The following TRIM33 variants were observed in gnomAD, a reference collection of about 807,000 sequenced individuals.
The protein encoded by TRIM33 is E3 ubiquitin-protein ligase TRIM33.
A neutral mutation model predicts 125.4 loss-of-function variants in TRIM33; 20 were observed. The ratio of observed to expected loss-of-function variants is 0.16; its 90% CI spans 0.11 to 0.23. The LOEUF (loss-of-function observed/expected upper bound fraction) is 0.23. TRIM33 is among the 10% of genes least tolerant of loss of function. TRIM33 has a pLI of 1.00. For missense variants in TRIM33, 920 were observed against 1,411.4 expected (o/e 0.65, Z 5.58); for synonymous variants, 564 against 513.9 (o/e 1.10, Z -1.32).
intron 1 of TRIM33, among the ~76,000 whole-genome samples, chr1:114,496,365 C>T (rs1318213108): frequency 6.6e-6 from 1 of 152,222 alleles, no homozygotes; most frequent in Non-Finnish European, 1.5e-5. Context: ...TTCTGGCAGT[C>T]ATTTGTGATG....
intron 4 of TRIM33, among the ~76,000 whole-genome samples, chr1:114,462,880 C>A (rs1650077947): frequency 6.6e-6 from 1 of 152,008 alleles, no homozygotes. Context: ...CCCAAACCTA[C>A]AAAATGATAC....
chr1:114,399,346 G>T, intron 18 of TRIM33, 111 bp downstream of exon 18: 1 of 978,074 alleles, frequency 1.0e-6, no homozygotes, highest in Non-Finnish European at 1.5e-6. Context: ...CTTTTGACAG[G>T]ACTTTAGCAG....
intron 12 of TRIM33, among the ~76,000 whole-genome samples, chr1:114,408,977 A>T (rs189857981): frequency 6.6e-6 from 1 of 152,324 alleles, no homozygotes; most frequent in East Asian, 1.9e-4. Flanking sequence ...AGTCAACAAA[A>T]CAGACCAAGA....
chr1:114,406,860 C>T (rs1652277937), intron 14 of TRIM33, 81 bp downstream of exon 14: 3 of 1,364,750 alleles, frequency 2.2e-6, no homozygotes, highest in Non-Finnish European at 3.0e-6. Context: ...AGACCCACTA[C>T]TTAGTCTTAA....
chr1:114,472,157 T>C lies in TRIM33; in HGVS notation c.527-7769A>G, dbSNP rs149461216. Among the ~76,000 whole-genome samples, 1,280 of 152,290 alleles carry C rather than the reference T, an allele frequency of 8.4e-3. 2 individuals are homozygous for C. The highest frequency in any genetic ancestry group is 0.013 in the Non-Finnish European group (888 of 68,008). On this transcript the variant is annotated intron_variant, in intron 1 of 19. Transcript: ENST00000358465. The stretch of plus-strand genomic sequence containing the variant: ...AAATTTTTAAACTTAGAAACATAAA[T>C]ATTTTGTTTTCCTATGTCCACATTA...
chr1:114,419,359 A>G (rs2101136204), intron 11 of TRIM33, among the ~76,000 whole-genome samples: 1 of 152,248 alleles, frequency 6.6e-6, no homozygotes, highest in East Asian at 1.9e-4. Context: ...CTGCAGTGCC[A>G]TGGTCTCCGT....
At position 114,421,640 on chromosome 1, in the gene TRIM33, A is replaced by G; in HGVS notation, c.1861-4T>C. The G allele has an allele frequency of 6.2e-7, 1 of 1,613,894 alleles. No individual in the cohort carries two copies. The highest frequency in any genetic ancestry group is 8.5e-7 in the Non-Finnish European group (1 of 1,179,760). On this transcript the variant is annotated splice_region_variant and splice_polypyrimidine_tract_variant and intron_variant, in intron 10 of 19. Coordinates refer to ENST00000358465, the MANE Select transcript of TRIM33 (RefSeq NM_015906.4). ...CAGCATGCCCTGGGTTTGAGTGCTA[A>G]TAAGAAAGAAGACATTATCATTACT...
At chr1:114,398,021 A>T in intron 18 of TRIM33, 31 bp from the exon 19 acceptor site, 1 of 1,576,168 alleles carries the variant, frequency 6.3e-7, no homozygotes, top group Non-Finnish European at 8.7e-7. Flanking sequence ...AAAAAAAAAA[A>T]AGGGAAATTA....
chr1:114,495,158 G>A (rs1459496803), intron 1 of TRIM33, among the ~76,000 whole-genome samples: 1 of 152,034 alleles, frequency 6.6e-6, no homozygotes, highest in Non-Finnish European at 1.5e-5. Context: ...CAAGTGGTTC[G>A]CTCATCTCGG....
At chr1:114,444,988 A>G (rs1031088631) in intron 4 of TRIM33, among the ~76,000 whole-genome samples, 5 of 152,198 alleles carry the variant, frequency 3.3e-5, no homozygotes, top group Admixed American at 3.3e-4. Flanking sequence ...GGAAACTACT[A>G]AAAGAAAAAA....
At chr1:114,472,682 T>C (rs943280233) in intron 1 of TRIM33, among the ~76,000 whole-genome samples, 2 of 152,074 alleles carry the variant, frequency 1.3e-5, no homozygotes, top group Non-Finnish European at 2.9e-5. Context: ...TGAGCAGTGA[T>C]TGGGCCACTG....
rs1227421415 is a variant in TRIM33, at chr1:114,394,341, G to A, written c.*3307C>T. On this transcript the variant is annotated 3_prime_UTR_variant, in exon 20 of 20. Transcript: ENST00000358465. ...CATCTACTCCCATTTTGGATAGTAA[G>A]AGACCATTTAATAACATACAGTAGG... is the stretch of plus-strand genomic sequence containing the variant. The A allele has an allele frequency of 4.4e-6, 1 of 225,990 alleles. No individual in the cohort carries two copies. Among genetic ancestry groups the A allele is most frequent in the Non-Finnish European group, 8.8e-6 (1 of 113,260 alleles). 14.0% of individuals were successfully genotyped at this position (225,990 alleles called of 1,614,324 possible).
At chr1:114,471,127 G>T (rs1480536922) in intron 1 of TRIM33, among the ~76,000 whole-genome samples, 1 of 152,196 alleles carries the variant, frequency 6.6e-6, no homozygotes, top group African/African-American at 2.4e-5. Context: ...AATTAAAAGT[G>T]ACAGTCCAGT....
At chr1:114,504,652 C>G (rs1444125659) in intron 1 of TRIM33, among the ~76,000 whole-genome samples, 1 of 152,158 alleles carries the variant, frequency 6.6e-6, no homozygotes, top group African/African-American at 2.4e-5. Context: ...CTTTGAGAAT[C>G]ACTGCTTTAA....
At chr1:114,446,967 G>A (rs1335174637) in intron 4 of TRIM33, among the ~76,000 whole-genome samples, 2 of 152,194 alleles carry the variant, frequency 1.3e-5, no homozygotes, top group East Asian at 3.8e-4. Flanking sequence ...CTTAAACCCA[G>A]AAGGTTGAAA....
intron 6 of TRIM33, among the ~76,000 whole-genome samples, chr1:114,429,190 C>CTTTTTTTTTTTTTTTTT (rs34957665): frequency 7.1e-6 from 1 of 140,304 alleles, no homozygotes; most frequent in African/African-American, 2.6e-5. Flanking sequence ...CACAAGAGTA[C>CTTTTTTTTTTTTTTTTT]TTTTTTTTTT....
In TRIM33 at chr1:114,433,675, C is replaced by T. The variant is rs1375570773; in HGVS notation, c.982G>A (p.Ala328Thr). 6.2e-7 allele frequency: 1 copy of T among 1,612,522 alleles called. No homozygotes were observed. The highest frequency in any genetic ancestry group is 1.7e-5 in the Admixed American group (1 of 59,810). Residue 328 changes from alanine (A) to threonine (T), a missense_variant, in exon 5 of 20, where the codon GCG becomes ACG. This residue lies in a region of TRIM33 where 50 missense variants were observed against 110.8 expected (regional missense o/e 0.45). Coordinates refer to ENST00000358465, the MANE Select transcript of TRIM33 (RefSeq NM_015906.4). Reference sequence around the variant, plus strand: ...TAATTCTTCTTCTCAAGAAGTTTCGCCAGTAGATTCTCAATTGCACCCTTC... The same window carrying T: ...TAATTCTTCTTCTCAAGAAGTTTCGTCAGTAGATTCTCAATTGCACCCTTC... ...NQKGAIENLL[A>T]KLLEKKNYVH...
chr1:114,511,104 C>CCCCGCGCCGCCCGCCG lies in TRIM33; in HGVS notation c.-44_-29dup, dbSNP rs999542685. 5 of 1,147,840 alleles carry CCCCGCGCCGCCCGCCG rather than the reference C, an allele frequency of 4.4e-6. No homozygotes were observed. The East Asian group carries it at 1.4e-4, about 31-fold the overall frequency. The allele number at this position is 1,147,840 out of a possible 1,614,324, so 71.1% of individuals were successfully genotyped here. A position where few individuals can be genotyped will look rare whatever the true frequency, so the allele number is the denominator to read the frequency against. On this transcript the variant is annotated 5_prime_UTR_variant, in exon 1 of 20. Coordinates refer to ENST00000358465, the MANE Select transcript of TRIM33 (RefSeq NM_015906.4). Reference sequence around the variant, plus strand: ...TTTCCTCTTTGAACCCGCCGGACCGCCCCGCGCCGCCCGCCGCCCGCGTCG... The same window carrying CCCCGCGCCGCCCGCCG: ...TTTCCTCTTTGAACCCGCCGGACCGCCCCGCGCCGCCCGCCGCCCGCGCCGCCCGCCGCCCGCGTCG...
chr1:114,488,693 G>T (rs531890322), intron 1 of TRIM33, among the ~76,000 whole-genome samples: 198 of 152,200 alleles, frequency 1.3e-3, no homozygotes, highest in African/African-American at 4.5e-3. Flanking sequence ...AGCCCAGGAG[G>T]TCAAGACTGC....
Sources: allele counts gnomAD v4.1 joint callset (sites outside exome capture counted in the v4.1 genomes callset), GRCh38; gene constraint gnomAD v4.1.1; regional missense constraint gnomAD v4.1.1; transcripts MANE v1.5; gene names NCBI Gene and HGNC (gene_info 2026-07-23, HGNC 2026-07-21).